DMGDH: variants seen among roughly 807,000 people sequenced by gnomAD.
DMGDH encodes dimethylglycine dehydrogenase.
DMGDH carries 76 observed loss-of-function variants against 95.2 expected under a neutral mutation model. The ratio of observed to expected loss-of-function variants is 0.80; its 90% CI spans 0.66 to 0.97. The LOEUF is 0.97. Ranked by LOEUF, DMGDH falls within the 50% of genes least tolerant of loss-of-function variation. DMGDH has a pLI of 0.00. For synonymous variants in DMGDH, 345 were observed against 377.6 expected, an observed-to-expected ratio of 0.91 and a Z score of 1.00; for missense variants, 987 against 1,055.0, an observed-to-expected ratio of 0.94 and a Z score of 0.89.
At chr5:79,053,394 C>T (rs977025343) in intron 4 of DMGDH, among the ~76,000 whole-genome samples, 2 of 152,114 alleles carry the variant, frequency 1.3e-5, no homozygotes, top group African/African-American at 2.4e-5. Flanking sequence ...TTGAACTCCT[C>T]GCCTCAAGCA....
At chr5:79,017,360 C>A (rs1753753541) in intron 14 of DMGDH, among the ~76,000 whole-genome samples, 2 of 152,110 alleles carry the variant, frequency 1.3e-5, no homozygotes, top group Admixed American at 6.5e-5. Flanking sequence ...TTTAACCAGA[C>A]ATTTCACAAA....
At chr5:79,045,452 G>A (rs1243340590) in intron 5 of DMGDH, among the ~76,000 whole-genome samples, 1 of 152,176 alleles carries the variant, frequency 6.6e-6, no homozygotes, top group Admixed American at 6.5e-5. Context: ...AGATGTGGGA[G>A]CTAAAGGCTA....
chr5:79,005,359 C>T lies in DMGDH; in HGVS notation c.2299G>A (p.Gly767Arg). The T allele has an allele frequency of 6.2e-7, 1 of 1,613,986 alleles. No homozygotes were observed. The highest frequency in any genetic ancestry group is 8.5e-7 in the Non-Finnish European group (1 of 1,180,000). Residue 767 changes from glycine (G) to arginine (R), a missense_variant, in exon 15 of 16, where the codon GGG becomes AGG. Physicochemically the swap from Gly to Arg is moderately radical, Grantham distance 125. Transcript: ENST00000255189. Reference protein sequence around the residue: ...KQALKQIKAKGLKRRLVCLTL... With the variant: ...KQALKQIKAKRLKRRLVCLTL... ...AGGCAGACCAGTCTTCGTTTCAGCCCCTTGGCTTTAATCTGTTTCAGTGCT... is the reference window on the plus strand; with the variant it reads ...AGGCAGACCAGTCTTCGTTTCAGCCTCTTGGCTTTAATCTGTTTCAGTGCT...
At chr5:79,007,633 TTAAACAA>T (rs1422486770) in intron 14 of DMGDH, among the ~76,000 whole-genome samples, 2 of 152,216 alleles carry the variant, frequency 1.3e-5, no homozygotes, top group East Asian at 3.8e-4. Context: ...AGAGAAGCAC[TTAAACAA>T]TAGTCAGTGA....
intron 14 of DMGDH, among the ~76,000 whole-genome samples, chr5:79,013,571 T>C (rs1008004872): frequency 2.0e-5 from 3 of 152,206 alleles, no homozygotes; most frequent in Non-Finnish European, 4.4e-5. Context: ...CATTTTTATG[T>C]ATTAGTTTGT....
rs1239056184 is a variant in DMGDH, at chr5:79,033,361, C to T, written c.1241G>A (p.Trp414Ter). The T allele has an allele frequency of 1.2e-6, 2 of 1,614,158 alleles. No homozygotes were observed. The highest frequency in any genetic ancestry group is 1.7e-6 in the Non-Finnish European group (2 of 1,180,034). The change falls in exon 8 of 16, where the codon TGG becomes TAG. Residue 414 changes from tryptophan to a stop codon, truncating the protein, a stop_gained. Transcript: ENST00000255189. LOFTEE classifies it high-confidence loss of function. ...AGGVGKYLSD[W>*]ILHGEPPFDL... ...AAAAGGAGGTTCTCCATGCAGGATC[C>T]AGTCACTGAGATATTTCCCTACCCC...
chr5:79,042,136 G>T, intron 7 of DMGDH, 147 bp downstream of exon 7: 1 of 764,252 alleles, frequency 1.3e-6, no homozygotes, highest in Non-Finnish European at 2.2e-6. Flanking sequence ...GTCATGAAAG[G>T]GAGAAAACTC....
chr5:79,038,753 G>A (rs2112639217), intron 7 of DMGDH, among the ~76,000 whole-genome samples: 1 of 152,220 alleles, frequency 6.6e-6, no homozygotes, highest in African/African-American at 2.4e-5. Context: ...GATGGGGGCT[G>A]GTAGCCAGAA....
rs945571987 is a variant in DMGDH, at chr5:79,027,083, C to A, written c.2033-502G>T. On this transcript the variant is annotated intron_variant, in intron 12 of 15. Transcript: ENST00000255189. ...TCTCTGACTTCTCCCCCTCCCACTT[C>A]TTCCCTAGTCATTTCCTTCACCAAC... 4.0e-4 allele frequency among the ~76,000 whole-genome samples: 61 copies of A among 152,348 alleles called. 1 individual carries two copies. Among genetic ancestry groups the A allele is most frequent in the South Asian group, 3.5e-3 (17 of 4,830 alleles).
Position 79,034,530 on chromosome 5 carries a change from G to A in DMGDH, c.1194-1122C>T, listed in dbSNP as rs767744280. Reference sequence around the variant, plus strand: ...GGTTTATGTGTGGTTTAAGTCAGGAGCTTCCAAGGAACTGAATGAGCAGAG... The same window carrying A: ...GGTTTATGTGTGGTTTAAGTCAGGAACTTCCAAGGAACTGAATGAGCAGAG... On this transcript the variant is annotated intron_variant, in intron 7 of 15. Coordinates refer to ENST00000255189, the MANE Select transcript of DMGDH (RefSeq NM_013391.3). Among the ~76,000 whole-genome samples, 156 of 152,266 alleles carry A rather than the reference G, an allele frequency of 1.0e-3. 1 individual carries two copies. The highest frequency in any genetic ancestry group is 1.8e-3 in the Non-Finnish European group (124 of 68,018).
intron 4 of DMGDH, among the ~76,000 whole-genome samples, chr5:79,052,688 T>C (rs1264423183): frequency 2.6e-5 from 4 of 152,156 alleles, no homozygotes; most frequent in African/African-American, 4.8e-5. Context: ...AAATTCATGA[T>C]AGTGAGGAGT....
chr5:79,060,838 A>G (rs1040090721), intron 2 of DMGDH, among the ~76,000 whole-genome samples: 3 of 151,754 alleles, frequency 2.0e-5, no homozygotes, highest in African/African-American at 7.3e-5. Context: ...GAATCACTTG[A>G]ACCCAGGAGA....
chr5:79,023,028 T>G (rs942931403), intron 14 of DMGDH, among the ~76,000 whole-genome samples: 1 of 152,176 alleles, frequency 6.6e-6, no homozygotes, highest in African/African-American at 2.4e-5. Context: ...ATAAAAGCCA[T>G]GGGGAGAATG....
intron 1 of DMGDH, among the ~76,000 whole-genome samples, chr5:79,064,619 A>T (rs565968838): frequency 7.9e-5 from 12 of 152,164 alleles, no homozygotes; most frequent in Admixed American, 7.2e-4. Context: ...AAACTTTTAA[A>T]TTTTTTTGAT....
intron 9 of DMGDH, 51 bp downstream of exon 9, chr5:79,032,636 G>A (rs781457145): frequency 6.8e-6 from 11 of 1,612,308 alleles, no homozygotes; most frequent in Middle Eastern, 1.7e-4. Flanking sequence ...TTGCTGTCCC[G>A]TTGTTTCACC....
At chr5:79,023,025 C>T (rs1214670696) in intron 14 of DMGDH, among the ~76,000 whole-genome samples, 1 of 152,150 alleles carries the variant, frequency 6.6e-6, no homozygotes, top group Non-Finnish European at 1.5e-5. Flanking sequence ...AAAATAAAAG[C>T]CATGGGGAGA....
intron 14 of DMGDH, among the ~76,000 whole-genome samples, chr5:79,012,273 C>T (rs1014282623): frequency 2.0e-5 from 3 of 152,176 alleles, no homozygotes; most frequent in African/African-American, 4.8e-5. Context: ...CTTAAGGCTC[C>T]AAAATAATCT....
intron 2 of DMGDH, among the ~76,000 whole-genome samples, chr5:79,062,874 A>T (rs540727564): frequency 6.6e-6 from 1 of 152,274 alleles, no homozygotes; most frequent in Non-Finnish European, 1.5e-5. Context: ...CAGGCGGATC[A>T]TGAGGTCAAG....
intron 2 of DMGDH, among the ~76,000 whole-genome samples, chr5:79,062,424 C>G (rs1439490051): frequency 1.3e-5 from 2 of 149,192 alleles, no homozygotes; most frequent in Non-Finnish European, 3.0e-5. Flanking sequence ...TACTAGATGT[C>G]AAAAAGCCCC....
Sources: allele counts gnomAD v4.1 joint callset (sites outside exome capture counted in the v4.1 genomes callset), GRCh38; gene constraint gnomAD v4.1.1; transcripts MANE v1.5; gene names NCBI Gene and HGNC (gene_info 2026-07-23, HGNC 2026-07-21).